Variants in HMCN1 observed in about 807,000 individuals in gnomAD.
HMCN1 encodes hemicentin 1.
In HMCN1, 321 loss-of-function variants were observed where a neutral mutation model predicts 625.9. That is an observed-to-expected ratio of 0.51 (90% CI 0.47 to 0.56). HMCN1 has a LOEUF of 0.56. HMCN1 is among the 20% of genes least tolerant of loss of function. The pLI is 0.00. For synonymous variants in HMCN1, 2,425 were observed against 2,417.6 expected (o/e 1.00, Z -0.09); for missense variants, 6,588 against 6,887.3 (o/e 0.96, Z 1.54).
intron 106 of HMCN1, among the ~76,000 whole-genome samples, chr1:186,189,270 G>T (rs1454435534): frequency 6.6e-6 from 1 of 152,132 alleles, no homozygotes; most frequent in African/African-American, 2.4e-5. Context: ...CAATGGCTCA[G>T]ACACTTCTGC....
In HMCN1 at chr1:186,017,086, A is replaced by G. The variant is rs752468971; in HGVS notation, c.5300+15A>G. 1.5e-6 allele frequency: 2 copies of G among 1,368,882 alleles called. No individual in the cohort carries two copies. The highest frequency in any genetic ancestry group is 2.3e-5 in the South Asian group (2 of 86,200). The allele number at this position is 1,368,882 out of a possible 1,614,324, so 84.8% of individuals were successfully genotyped here. A position where few individuals can be genotyped will look rare whatever the true frequency, so the allele number is the denominator to read the frequency against. On this transcript the variant is annotated intron_variant, in intron 33 of 106. Coordinates refer to ENST00000271588, the MANE Select transcript of HMCN1 (RefSeq NM_031935.3). ...CCAACTATCATGTAAGGGTTTTGGT[A>G]TGTCTTCTAAATACCTCCTGCTTTT...
intron 100 of HMCN1, among the ~76,000 whole-genome samples, chr1:186,169,704 G>A (rs912164931): frequency 4.6e-5 from 7 of 152,032 alleles, no homozygotes; most frequent in Non-Finnish European, 7.4e-5. Flanking sequence ...AGACTTAAAC[G>A]TAAGACCTAA....
chr1:185,993,357 CA>C, intron 23 of HMCN1, 48 bp downstream of exon 23: 7 of 1,604,764 alleles, frequency 4.4e-6, no homozygotes, highest in Non-Finnish European at 5.1e-6. Flanking sequence ...ACTGGCCACA[CA>C]AAAACCCGTA....
intron 1 of HMCN1, among the ~76,000 whole-genome samples, chr1:185,798,202 T>C (rs1658536516): frequency 6.6e-6 from 1 of 152,122 alleles, no homozygotes; most frequent in Non-Finnish European, 1.5e-5. Flanking sequence ...TGGACAGTTT[T>C]TTTCTTTAAG....
At chr1:186,002,137 G>A (rs1023235418) in intron 28 of HMCN1, among the ~76,000 whole-genome samples, 2 of 152,046 alleles carry the variant, frequency 1.3e-5, no homozygotes, top group Non-Finnish European at 2.9e-5. Context: ...CTGCTAGGCT[G>A]TACTTGAACT....
At position 185,888,520 on chromosome 1, in the gene HMCN1, T is replaced by C. The variant is rs919180612; in HGVS notation, c.622-20817T>C. Among the ~76,000 whole-genome samples the C allele has an allele frequency of 2.9e-4, 41 of 143,522 alleles. 2 individuals carry two copies. Among genetic ancestry groups the C allele is most frequent in the African/African-American group, 1.2e-3 (40 of 34,636 alleles). 94.2% of individuals were successfully genotyped at this position (143,522 alleles called of 152,430 possible). A position where few individuals can be genotyped will look rare whatever the true frequency, so the allele number is the denominator to read the frequency against. On this transcript the variant is annotated intron_variant, in intron 4 of 106. Coordinates refer to ENST00000271588, the MANE Select transcript of HMCN1 (RefSeq NM_031935.3). ...AGGAAGGGATCCAGTTTCAGCTTTC[T>C]ACATATGGCTAGCCAGTTTTCCCAG...
intron 1 of HMCN1, among the ~76,000 whole-genome samples, chr1:185,743,714 T>A (rs1374739937): frequency 6.6e-6 from 1 of 152,214 alleles, no homozygotes; most frequent in Admixed American, 6.5e-5. Context: ...AGGAAAAATT[T>A]AAAAATGGAT....
In HMCN1 at chr1:186,178,349, T is replaced by A. The variant is rs115445326; in HGVS notation, c.15944-67T>A. 2.5e-3 allele frequency: 2,787 copies of A among 1,119,874 alleles called. 51 individuals carry two copies. The African/African-American group carries it at 0.034, about 14-fold the overall frequency. The allele number at this position is 1,119,874 out of a possible 1,614,324, so 69.4% of individuals were successfully genotyped here. The stretch of plus-strand genomic sequence containing the variant: ...GTTTGTTTCACAGACTCATTCTTTA[T>A]TCCTGTGTTTTGTGTGTGTATGTAT... On this transcript the variant is annotated intron_variant, in intron 103 of 106. Transcript: ENST00000271588.
intron 19 of HMCN1, 30 bp downstream of exon 19, chr1:185,984,343 G>A (rs768277449): frequency 2.0e-5 from 32 of 1,609,974 alleles, no homozygotes; most frequent in East Asian, 1.3e-4. Context: ...TTATTGTTTC[G>A]AAACTGTGTT....
rs2102287877 is a variant in HMCN1 at position 186,055,614 on chromosome 1, G to A, written c.7084G>A (p.Val2362Met). Residue 2362 changes from valine to methionine, a missense_variant, in exon 45 of 107, where the codon GTG becomes ATG. Transcript: ENST00000271588. ...TCATGTATCTGACACAGGCCGTTAT[G>A]TGTGTGTTGCTGTGAATGTAGCAGG... ...NIHVSDTGRY[V>M]CVAVNVAGMT... is the part of the protein sequence containing the mutation. 2 of 1,612,812 alleles carry A rather than the reference G, an allele frequency of 1.2e-6. No individual in the cohort carries two copies. Among genetic ancestry groups the A allele is most frequent in the South Asian group, 1.1e-5 (1 of 91,076 alleles).
chr1:185,743,419 C>T (rs1654121283), intron 1 of HMCN1, among the ~76,000 whole-genome samples: 1 of 152,184 alleles, frequency 6.6e-6, no homozygotes, highest in African/African-American at 2.4e-5. Context: ...TAATGCCTGA[C>T]TGAGTCTTGT....
rs16824896 is a variant in HMCN1 at position 186,122,617 on chromosome 1, G to A, written c.12230-334G>A. On this transcript the variant is annotated intron_variant, in intron 80 of 106. Transcript: ENST00000271588. ...CATTTTGGAAGTTTAAATACCTAAAGTGAATCACATAATTTATGTAAGTTA... is the reference window on the plus strand; with the variant it reads ...CATTTTGGAAGTTTAAATACCTAAAATGAATCACATAATTTATGTAAGTTA... Among the ~76,000 whole-genome samples, 787 of 152,318 alleles carry A rather than the reference G, an allele frequency of 5.2e-3. 5 individuals carry two copies. Among genetic ancestry groups the A allele is most frequent in the African/African-American group, 0.017 (722 of 41,574 alleles).
intron 8 of HMCN1, among the ~76,000 whole-genome samples, chr1:185,924,797 TA>T (rs955222523): frequency 1.3e-5 from 2 of 152,184 alleles, no homozygotes; most frequent in African/African-American, 4.8e-5. Context: ...TACTATGTCT[TA>T]AAAACTATGA....
chr1:186,190,130 T>A lies in HMCN1; in HGVS notation c.*252T>A, dbSNP rs898395951. 1.5e-5 allele frequency: 8 copies of A among 535,456 alleles called. No homozygotes were observed. The highest frequency in any genetic ancestry group is 1.7e-5 in the Non-Finnish European group (5 of 296,476). 33.2% of individuals were successfully genotyped at this position (535,456 alleles called of 1,614,324 possible). A position where few individuals can be genotyped will look rare whatever the true frequency, so the allele number is the denominator to read the frequency against. ...CACTGGAGCAGTTACTTCCCAAAGA[T>A]TATTCTGAACATCTAACAGGACATA... On this transcript the variant is annotated 3_prime_UTR_variant, in exon 107 of 107. Transcript: ENST00000271588.
At chr1:186,147,558 T>G (rs1245360407) in intron 93 of HMCN1, among the ~76,000 whole-genome samples, 1 of 152,190 alleles carries the variant, frequency 6.6e-6, no homozygotes, top group Non-Finnish European at 1.5e-5. Context: ...TTTCTGAGGC[T>G]GAATGCAATT....
Position 186,165,246 on chromosome 1 carries a change from T to C in HMCN1, c.15319+73T>C, listed in dbSNP as rs1651807828. The C allele has an allele frequency of 4.8e-6, 6 of 1,250,148 alleles. No homozygotes were observed. In the East Asian group the frequency reaches 1.2e-4, roughly 24 times the overall value. The allele number at this position is 1,250,148 out of a possible 1,614,324, so 77.4% of individuals were successfully genotyped here. A position where few individuals can be genotyped will look rare whatever the true frequency, so the allele number is the denominator to read the frequency against. ...TATTGGATAGCATTTAATGGGTATC[T>C]ATTGCCCTTTCACTAGGTATTTAAT... On this transcript the variant is annotated intron_variant, in intron 98 of 106. Transcript: ENST00000271588.
chr1:186,074,005 A>G (rs1312568014), intron 52 of HMCN1, among the ~76,000 whole-genome samples: 1 of 152,032 alleles, frequency 6.6e-6, no homozygotes, highest in African/African-American at 2.4e-5. Flanking sequence ...TTGGATGATT[A>G]TCTTTGTGGG....
chr1:186,152,982 C>A, intron 96 of HMCN1, 111 bp downstream of exon 96: 1 of 1,350,680 alleles, frequency 7.4e-7, no homozygotes, highest in Non-Finnish European at 1.1e-6. Context: ...AATGTCCAAA[C>A]TACCAAGGCT....
At chr1:186,176,052 G>A (rs936785023) in intron 103 of HMCN1, among the ~76,000 whole-genome samples, 1 of 152,026 alleles carries the variant, frequency 6.6e-6, no homozygotes, top group East Asian at 1.9e-4. Context: ...TCATGCCACT[G>A]TGGTAATGAA....
Sources: allele counts gnomAD v4.1 joint callset (sites outside exome capture counted in the v4.1 genomes callset), GRCh38; gene constraint gnomAD v4.1.1; transcripts MANE v1.5; gene names NCBI Gene and HGNC (gene_info 2026-07-23, HGNC 2026-07-21).